UBE2E2: variants seen among roughly 807,000 people sequenced by gnomAD.
The protein encoded by UBE2E2 is ubiquitin-conjugating enzyme E2 E2.
UBE2E2 carries 6 observed loss-of-function variants against 24.7 expected under a neutral mutation model. The ratio of observed to expected loss-of-function variants is 0.24; its 90% CI spans 0.13 to 0.48. The LOEUF (loss-of-function observed/expected upper bound fraction) is 0.48, where lower values mean the gene tolerates loss of function less well. Among genes scored for constraint, UBE2E2 ranks in the 20% least tolerant of loss-of-function variants. The pLI, the probability that UBE2E2 is intolerant of heterozygous loss-of-function variation, is 0.99. For synonymous variants in UBE2E2, 104 were observed against 83.6 expected, an observed-to-expected ratio of 1.24 and a Z score of -1.33; for missense variants, 169 against 245.0, an observed-to-expected ratio of 0.69 and a Z score of 2.07.
chr3:23,468,395 C>T (rs1208449815), intron 3 of UBE2E2, among the ~76,000 whole-genome samples: 2 of 152,194 alleles, frequency 1.3e-5, no homozygotes, highest in Non-Finnish European at 1.5e-5. Flanking sequence ...TCTACAATTG[C>T]TTGGCATAGT....
At chr3:23,220,138 A>G (rs1237027881) in intron 3 of UBE2E2, among the ~76,000 whole-genome samples, 1 of 152,102 alleles carries the variant, frequency 6.6e-6, no homozygotes, top group Non-Finnish European at 1.5e-5. Context: ...AGTTTTATGT[A>G]AGGCATTTTT....
chr3:23,305,712 A>T (rs1421511339), intron 3 of UBE2E2, among the ~76,000 whole-genome samples: 1 of 152,048 alleles, frequency 6.6e-6, no homozygotes, highest in East Asian at 1.9e-4. Context: ...CAGTTATTAA[A>T]ATGTAGTAAC....
intron 3 of UBE2E2, among the ~76,000 whole-genome samples, chr3:23,393,638 T>A (rs1197740105): frequency 6.6e-6 from 1 of 151,946 alleles, no homozygotes; most frequent in Non-Finnish European, 1.5e-5. Context: ...AATGTTAGAG[T>A]CAAGCCAAGG....
chr3:23,254,239 A>G (rs1485620692), intron 3 of UBE2E2, among the ~76,000 whole-genome samples: 2 of 152,222 alleles, frequency 1.3e-5, no homozygotes, highest in Non-Finnish European at 2.9e-5. Context: ...TTTTGCATCT[A>G]ATTAGACCCT....
At chr3:23,346,802 G>T (rs1695570253) in intron 3 of UBE2E2, among the ~76,000 whole-genome samples, 1 of 152,122 alleles carries the variant, frequency 6.6e-6, no homozygotes, top group African/African-American at 2.4e-5. Flanking sequence ...TTGATTCTTT[G>T]TGATGTTTTT....
At position 23,554,330 on chromosome 3, in the gene UBE2E2, G is replaced by A. The variant is rs192989539; in HGVS notation, c.508+21629G>A. 4.7e-3 allele frequency among the ~76,000 whole-genome samples: 708 copies of A among 152,070 alleles called. 6 individuals are homozygous for A. Among genetic ancestry groups the A allele is most frequent in the Middle Eastern group, 0.021 (6 of 292 alleles). ...ATAGTCTCTTCAAATAAATGATTCC[G>A]GGGAAACTGGATTGCCACATGTAAA... On this transcript the variant is annotated intron_variant, in intron 5 of 5. Transcript: ENST00000396703.
intron 5 of UBE2E2, among the ~76,000 whole-genome samples, chr3:23,534,508 T>G (rs765297302): frequency 7.9e-5 from 12 of 152,216 alleles, no homozygotes; most frequent in Non-Finnish European, 1.6e-4. Context: ...CTGCCTCATA[T>G]GAGACTAGAA....
At chr3:23,223,027 T>TCCCCCC (rs1559445377) in intron 3 of UBE2E2, among the ~76,000 whole-genome samples, 5 of 40,296 alleles carry the variant, frequency 1.2e-4, no homozygotes, top group African/African-American at 3.2e-4. Context: ...CCCCCCCCCT[T>TCCCCCC]TTTTTTTTTT....
chr3:23,363,506 C>A (rs1354324581), intron 3 of UBE2E2, among the ~76,000 whole-genome samples: 1 of 152,158 alleles, frequency 6.6e-6, no homozygotes, highest in African/African-American at 2.4e-5. Context: ...ATTCTACTTT[C>A]TGACAAAATA....
At chr3:23,355,028 A>T (rs1575582302) in intron 3 of UBE2E2, among the ~76,000 whole-genome samples, 1 of 152,082 alleles carries the variant, frequency 6.6e-6, no homozygotes, top group South Asian at 2.1e-4. Flanking sequence ...GCACATATAC[A>T]CCATGGAATA....
intron 5 of UBE2E2, among the ~76,000 whole-genome samples, chr3:23,581,132 A>G (rs779677510): frequency 1.3e-5 from 2 of 152,016 alleles, no homozygotes; most frequent in Non-Finnish European, 2.9e-5. Context: ...GTGCAGTGGC[A>G]CAACCATAGC....
At chr3:23,564,261 C>A (rs748542943) in intron 5 of UBE2E2, among the ~76,000 whole-genome samples, 8 of 151,828 alleles carry the variant, frequency 5.3e-5, no homozygotes, top group Admixed American at 1.3e-4. Flanking sequence ...TATGCATGAT[C>A]AATATGCAAA....
intron 3 of UBE2E2, among the ~76,000 whole-genome samples, chr3:23,235,454 G>A (rs1251408048): frequency 6.6e-6 from 1 of 152,018 alleles, no homozygotes; most frequent in Non-Finnish European, 1.5e-5. Context: ...GGGGGAGTGG[G>A]GAGTGGGCAG....
chr3:23,410,758 C>G (rs750231421), intron 3 of UBE2E2, among the ~76,000 whole-genome samples: 1 of 152,116 alleles, frequency 6.6e-6, no homozygotes, highest in African/African-American at 2.4e-5. Flanking sequence ...GTCCCCTACT[C>G]TCAAGACATT....
At chr3:23,319,751 G>A (rs1239406554) in intron 3 of UBE2E2, among the ~76,000 whole-genome samples, 2 of 147,242 alleles carry the variant, frequency 1.4e-5, no homozygotes, top group Non-Finnish European at 3.0e-5. Context: ...GGAGGCAGAG[G>A]TTGCAGTGAG....
intron 3 of UBE2E2, among the ~76,000 whole-genome samples, chr3:23,382,815 T>C (rs1696709428): frequency 6.6e-6 from 1 of 152,192 alleles, no homozygotes; most frequent in Non-Finnish European, 1.5e-5. Context: ...CTGTAGTTTC[T>C]TAATACATTT....
chr3:23,417,871 C>T (rs1368646379), intron 3 of UBE2E2, among the ~76,000 whole-genome samples: 2 of 152,174 alleles, frequency 1.3e-5, no homozygotes, highest in Non-Finnish European at 2.9e-5. Context: ...GGAAAAACCA[C>T]CTACTAAAGC....
At chr3:23,433,505 G>A (rs1212343346) in intron 3 of UBE2E2, among the ~76,000 whole-genome samples, 1 of 151,844 alleles carries the variant, frequency 6.6e-6, no homozygotes, top group Non-Finnish European at 1.5e-5. Context: ...ACTATGAATT[G>A]GTTGTTTTTA....
At chr3:23,224,998 T>C (rs948100119) in intron 3 of UBE2E2, among the ~76,000 whole-genome samples, 16 of 151,762 alleles carry the variant, frequency 1.1e-4, no homozygotes, top group African/African-American at 3.6e-4. Context: ...CTAGTAGATA[T>C]GAAGTGGTAT....
Sources: allele counts gnomAD v4.1 joint callset (sites outside exome capture counted in the v4.1 genomes callset), GRCh38; gene constraint gnomAD v4.1.1; transcripts MANE v1.5; gene names NCBI Gene and HGNC (gene_info 2026-07-23, HGNC 2026-07-21).